Variants in GABRR2 observed in about 807,000 individuals in gnomAD.
GABRR2 encodes the protein gamma-aminobutyric acid type A receptor subunit rho2.
A neutral mutation model predicts 47.0 loss-of-function variants in GABRR2; 36 were observed. The ratio of observed to expected loss-of-function variants is 0.77; its 90% CI spans 0.59 to 1.01. The LOEUF is 1.01. Ranked by LOEUF, GABRR2 falls within the 50% of genes least tolerant of loss-of-function variation. The pLI is 0.00. For synonymous variants in GABRR2, 204 were observed against 227.5 expected (o/e 0.90, Z 0.93); for missense variants, 587 against 594.6 (o/e 0.99, Z 0.13).
chr6:89,267,945 A>T, intron 5 of GABRR2, 69 bp downstream of exon 5: 1 of 1,578,506 alleles, frequency 6.3e-7, no homozygotes, highest in Non-Finnish European at 8.7e-7. Flanking sequence ...GCTCAGTCTC[A>T]TGATTACTAA....
intron 3 of GABRR2, chr6:89,270,621 G>A (rs1774029256): frequency 6.6e-6 from 1 of 152,202 alleles, no homozygotes; most frequent in Non-Finnish European, 1.5e-5. Context: ...GAGCTATGGG[G>A]GGTGTACAAC....
At position 89,269,147 on chromosome 6, in the gene GABRR2, C is replaced by T. The variant is rs74923708; in HGVS notation, c.376G>A (p.Asp126Asn). Residue 126 changes from aspartate (D) to asparagine (N), a missense_variant, in exon 4 of 9, where the codon GAT becomes AAT. By Grantham distance (23) the Asp-to-Asn change is conservative. Transcript: ENST00000402938. ...CAGATCTTCTTCACCAGCCGGCCAT[C>T]GAAGGTCATGCTCTTGTTGCTGGCG... is the stretch of plus-strand genomic sequence containing the variant. ...SSASNKSMTFDGRLVKKIWVP... is the reference protein window; with the variant it reads ...SSASNKSMTFNGRLVKKIWVP... 8.6e-4 allele frequency: 1,394 copies of T among 1,614,052 alleles called. 3 individuals are homozygous for T. The highest frequency in any genetic ancestry group is 1.4e-3 in the Admixed American group (84 of 60,022).
At chr6:89,293,991 A>T (rs1229439774) in intron 2 of GABRR2, among the ~76,000 whole-genome samples, 7 of 152,212 alleles carry the variant, frequency 4.6e-5, no homozygotes, top group Non-Finnish European at 7.3e-5. Context: ...TTTCTAGACT[A>T]AAAAGGTCAC....
intron 8 of GABRR2, among the ~76,000 whole-genome samples, chr6:89,258,365 T>A (rs1773657011): frequency 6.6e-6 from 1 of 152,008 alleles, no homozygotes. Context: ...TAAATCCACA[T>A]AGTCTGATTC....
At chr6:89,303,140 C>T in intron 1 of GABRR2, 1 of 483,062 alleles carries the variant, frequency 2.1e-6, no homozygotes, top group Non-Finnish European at 4.0e-6. Context: ...GAGTGAGGGG[C>T]AGGTGGCGCC....
chr6:89,280,526 G>A (rs1417537164), intron 2 of GABRR2, among the ~76,000 whole-genome samples: 1 of 152,032 alleles, frequency 6.6e-6, no homozygotes, highest in African/African-American at 2.4e-5. Flanking sequence ...CACCCAAGAT[G>A]GGTTGCCTGC....
At position 89,311,513 on chromosome 6, in the gene GABRR2, C is replaced by T. The variant is rs9344922; in HGVS notation, c.113+3540G>A. 9.5e-4 allele frequency among the ~76,000 whole-genome samples: 144 copies of T among 152,292 alleles called. No individual in the cohort carries two copies. In the East Asian group the frequency reaches 0.019, roughly 20 times the overall value. The stretch of plus-strand genomic sequence containing the variant: ...CCCACACAGTCTCGGCCCTCAGACC[C>T]TAGACTCCTTCCTGAGCCCCCACCC... On this transcript the variant is annotated intron_variant, in intron 1 of 8. Transcript: ENST00000402938.
At chr6:89,293,597 G>T (rs1774505926) in intron 2 of GABRR2, among the ~76,000 whole-genome samples, 1 of 152,110 alleles carries the variant, frequency 6.6e-6, no homozygotes, top group Non-Finnish European at 1.5e-5. Context: ...GACCAGCCTG[G>T]CAACGTGGCG....
chr6:89,293,736 C>T (rs1259903177), intron 2 of GABRR2, among the ~76,000 whole-genome samples: 3 of 152,328 alleles, frequency 2.0e-5, no homozygotes, highest in Admixed American at 2.0e-4. Context: ...GCAGTAAGCT[C>T]TGATCCTGCC....
intron 1 of GABRR2, among the ~76,000 whole-genome samples, chr6:89,309,125 G>A (rs927043816): frequency 1.3e-5 from 2 of 152,108 alleles, no homozygotes; most frequent in Non-Finnish European, 2.9e-5. Context: ...ATGTCCTGAG[G>A]AGAGCCTGAC....
rs1353424065 is a variant in GABRR2, at chr6:89,269,120, C to G, written c.403G>C (p.Val135Leu). 1 of 1,613,892 alleles carries G rather than the reference C, an allele frequency of 6.2e-7. No individual in the cohort carries two copies. Among genetic ancestry groups the G allele is most frequent in the African/African-American group, 1.3e-5 (1 of 74,918 alleles). Residue 135 changes from valine to leucine, a missense_variant, in exon 4 of 9, where the codon GTC becomes CTC. By Grantham distance (32) the Val-to-Leu change is conservative (BLOSUM62 1). Coordinates refer to ENST00000402938, the MANE Select transcript of GABRR2 (RefSeq NM_002043.5). ...FDGRLVKKIWVPDVFFVHSKR... is the reference protein window; with the variant it reads ...FDGRLVKKIWLPDVFFVHSKR... ...GAGTGAACAAAGAAGACATCAGGGA[C>G]CCAGATCTTCTTCACCAGCCGGCCA...
chr6:89,278,162 C>T (rs925322717), intron 2 of GABRR2, among the ~76,000 whole-genome samples: 6 of 152,070 alleles, frequency 3.9e-5, no homozygotes, highest in African/African-American at 7.2e-5. Flanking sequence ...TGAATATGTA[C>T]GGTATGCTTT....
At chr6:89,293,278 G>C (rs1774501269) in intron 2 of GABRR2, among the ~76,000 whole-genome samples, 1 of 152,156 alleles carries the variant, frequency 6.6e-6, no homozygotes, top group Non-Finnish European at 1.5e-5. Flanking sequence ...AATGGTGGTT[G>C]CCAGGGGCTG....
chr6:89,294,844 A>G (rs1426209127), intron 2 of GABRR2, among the ~76,000 whole-genome samples: 1 of 132,694 alleles, frequency 7.5e-6, no homozygotes, highest in East Asian at 2.3e-4. Flanking sequence ...CCTGTGTCCA[A>G]GTGTTCTCAT....
Position 89,315,296 on chromosome 6 carries a change from G to A in GABRR2, c.-131C>T. 1 of 1,550,650 alleles carries A rather than the reference G, an allele frequency of 6.4e-7. No homozygotes were observed. The highest frequency in any genetic ancestry group is 1.4e-5 in the African/African-American group (1 of 73,170). ...TCTGAGGGGCTGTGAGGGCAAGGCT[G>A]GCCAGGCTAGTTGTCCCGATTTACT... On this transcript the variant is annotated 5_prime_UTR_variant, in exon 1 of 9. Coordinates refer to ENST00000402938, the MANE Select transcript of GABRR2 (RefSeq NM_002043.5).
At position 89,299,849 on chromosome 6, in the gene GABRR2, T is replaced by G; in HGVS notation, c.130A>C (p.Asn44His). The change falls in exon 2 of 9, where the codon AAC becomes CAC. Residue 44 changes from asparagine (N) to histidine (H), a missense_variant. Asn to His is a moderately conservative substitution (Grantham distance 68, BLOSUM62 1). Transcript: ENST00000402938. ...TTCCGGATCTTGGTCACATCAAGGT[T>G]CTTCTTATATAAGTGACTGTGAAGA... ...MPKPSHLYKK[N>H]LDVTKIRKGK... 6.2e-7 allele frequency: 1 copy of G among 1,611,946 alleles called. No homozygotes were observed. Among genetic ancestry groups the G allele is most frequent in the Admixed American group, 1.7e-5 (1 of 60,016 alleles).
At chr6:89,271,865 G>T (rs1774061340) in intron 2 of GABRR2, 143 bp from the exon 3 acceptor site, 2 of 661,490 alleles carry the variant, frequency 3.0e-6, no homozygotes, top group Non-Finnish European at 5.4e-6. Context: ...TTTCTTGCTG[G>T]TTCCTGACCT....
At chr6:89,263,674 C>G (rs552803858) in intron 8 of GABRR2, among the ~76,000 whole-genome samples, 55 of 152,290 alleles carry the variant, frequency 3.6e-4, no homozygotes, top group African/African-American at 1.3e-3. Flanking sequence ...AGGCGTGCAC[C>G]ACCATGCTCG....
intron 2 of GABRR2, among the ~76,000 whole-genome samples, chr6:89,296,093 T>C (rs1198491590): frequency 6.6e-6 from 1 of 152,204 alleles, no homozygotes; most frequent in Non-Finnish European, 1.5e-5. Context: ...ACACCTTCTA[T>C]ATCACCTGCA....
Sources: gnomAD v4.1 joint callset for allele counts (sites outside exome capture counted in the v4.1 genomes callset) on GRCh38, gnomAD v4.1.1 for gene constraint, MANE v1.5 for transcripts, NCBI Gene and HGNC (gene_info 2026-07-23, HGNC 2026-07-21) for gene names.